The following SUPT3H variants were observed in gnomAD, a reference collection of about 807,000 sequenced individuals.
The protein encoded by SUPT3H is SPT3 homolog, SAGA and STAGA complex component, also known as transcription initiation protein SPT3 homolog.
A neutral mutation model predicts 44.3 loss-of-function variants in SUPT3H; 44 were observed. The observed-to-expected ratio is 0.99, with a 90% CI of 0.78 to 1.28. The LOEUF is 1.28. Ranked by LOEUF, SUPT3H falls within the 50% of genes most tolerant of loss-of-function variation. The pLI, the probability that SUPT3H is intolerant of heterozygous loss-of-function variation, is 0.00. For synonymous variants in SUPT3H, 124 were observed against 125.6 expected, an observed-to-expected ratio of 0.99 and a Z score of 0.09; for missense variants, 380 against 387.1, an observed-to-expected ratio of 0.98 and a Z score of 0.15.
intron 10 of SUPT3H, among the ~76,000 whole-genome samples, chr6:44,867,385 C>T (rs1775676692): frequency 6.6e-6 from 1 of 152,042 alleles, no homozygotes; most frequent in Non-Finnish European, 1.5e-5. Context: ...AAGTGATCCT[C>T]CCGCCTCGGC....
chr6:44,902,049 G>C (rs1257209786), intron 10 of SUPT3H, among the ~76,000 whole-genome samples: 1 of 152,048 alleles, frequency 6.6e-6, no homozygotes, highest in Non-Finnish European at 1.5e-5. Flanking sequence ...GGAAAAACTG[G>C]TACCAGCCAC....
At chr6:44,870,251 A>G (rs1183350883) in intron 10 of SUPT3H, among the ~76,000 whole-genome samples, 1 of 152,194 alleles carries the variant, frequency 6.6e-6, no homozygotes, top group East Asian at 1.9e-4. Context: ...AGAGCACAGC[A>G]AGAGTTAAAA....
intron 3 of SUPT3H, among the ~76,000 whole-genome samples, chr6:45,087,409 C>G (rs1796605815): frequency 6.6e-6 from 1 of 151,688 alleles, no homozygotes; most frequent in Admixed American, 6.6e-5. Flanking sequence ...ATTTTAGTAC[C>G]TAGAATTTTT....
intron 3 of SUPT3H, among the ~76,000 whole-genome samples, chr6:45,090,810 C>T (rs1797034761): frequency 6.6e-6 from 1 of 151,678 alleles, no homozygotes; most frequent in South Asian, 2.1e-4. Flanking sequence ...AATTATTATT[C>T]TTTTAACTAT....
chr6:44,833,016 A>G lies in SUPT3H; in HGVS notation c.913-3159T>C, dbSNP rs13205057. 9.6e-3 allele frequency among the ~76,000 whole-genome samples: 1,463 copies of G among 152,012 alleles called. 13 individuals are homozygous for G. The highest frequency in any genetic ancestry group is 0.016 in the Non-Finnish European group (1,103 of 67,902). On this transcript the variant is annotated intron_variant, in intron 10 of 10. Coordinates refer to ENST00000371459, the MANE Select transcript of SUPT3H (RefSeq NM_003599.4). Reference sequence around the variant, plus strand: ...ATTAATATTTTTCTTAAAAGGACACATGCTACAAAACTTACTTTGTAGTTC... The same window carrying G: ...ATTAATATTTTTCTTAAAAGGACACGTGCTACAAAACTTACTTTGTAGTTC...
At chr6:45,240,233 G>C (rs1183451698) in intron 2 of SUPT3H, among the ~76,000 whole-genome samples, 1 of 152,080 alleles carries the variant, frequency 6.6e-6, no homozygotes, top group Non-Finnish European at 1.5e-5. Flanking sequence ...ATGCTGAGGA[G>C]GACCCCAGCT....
chr6:45,280,775 G>C (rs1204464484), intron 2 of SUPT3H, among the ~76,000 whole-genome samples: 1 of 152,016 alleles, frequency 6.6e-6, no homozygotes, highest in Non-Finnish European at 1.5e-5. Context: ...TAAAATATAT[G>C]GGCAAATTAT....
chr6:45,208,426 T>C (rs1763542252), intron 2 of SUPT3H, among the ~76,000 whole-genome samples: 1 of 152,108 alleles, frequency 6.6e-6, no homozygotes, highest in South Asian at 2.1e-4. Context: ...AAGATGGCTA[T>C]ACAAAAAAAG....
At chr6:44,866,603 T>C (rs1474735280) in intron 10 of SUPT3H, among the ~76,000 whole-genome samples, 1 of 152,206 alleles carries the variant, frequency 6.6e-6, no homozygotes, top group East Asian at 1.9e-4. Context: ...CTTTTAGGCT[T>C]TACTGTGTGT....
At chr6:45,115,024 T>C (rs964051055) in intron 2 of SUPT3H, among the ~76,000 whole-genome samples, 12 of 152,164 alleles carry the variant, frequency 7.9e-5, no homozygotes, top group Admixed American at 3.3e-4. Context: ...CTATCTTAGA[T>C]TGACTGAAAT....
chr6:45,016,219 T>C (rs937089296), intron 4 of SUPT3H, among the ~76,000 whole-genome samples: 1 of 152,082 alleles, frequency 6.6e-6, no homozygotes, highest in African/African-American at 2.4e-5. Context: ...CACTTGATAA[T>C]TGGAATTGTT....
intron 2 of SUPT3H, among the ~76,000 whole-genome samples, chr6:45,185,613 C>T (rs781295295): frequency 6.6e-6 from 1 of 152,246 alleles, no homozygotes; most frequent in Non-Finnish European, 1.5e-5. Flanking sequence ...CTGTAAGACA[C>T]TGCCAACACC....
chr6:44,891,895 A>C (rs1763375313), intron 10 of SUPT3H, among the ~76,000 whole-genome samples: 1 of 152,136 alleles, frequency 6.6e-6, no homozygotes, highest in African/African-American at 2.4e-5. Context: ...GTAGGTATAC[A>C]GGTGTTCACT....
chr6:45,176,457 C>T (rs1811890170), intron 2 of SUPT3H, among the ~76,000 whole-genome samples: 1 of 152,260 alleles, frequency 6.6e-6, no homozygotes, highest in Middle Eastern at 3.4e-3. Context: ...GCTAGCACAG[C>T]AGTCTGAGAT....
intron 3 of SUPT3H, among the ~76,000 whole-genome samples, chr6:45,090,380 A>G (rs1186285136): frequency 6.6e-6 from 1 of 152,114 alleles, no homozygotes; most frequent in Non-Finnish European, 1.5e-5. Context: ...CTTATAAAAA[A>G]CTTTCAGTTC....
intron 2 of SUPT3H, among the ~76,000 whole-genome samples, chr6:45,345,721 T>C (rs1227202825): frequency 6.6e-6 from 1 of 152,210 alleles, no homozygotes; most frequent in Non-Finnish European, 1.5e-5. Context: ...TGATGCATTA[T>C]CAATTCTTCT....
intron 3 of SUPT3H, among the ~76,000 whole-genome samples, chr6:45,075,240 A>T (rs1666551010): frequency 6.6e-6 from 1 of 152,128 alleles, no homozygotes; most frequent in Non-Finnish European, 1.5e-5. Context: ...ATGTGCTTGT[A>T]CATTTTTAAA....
At chr6:45,237,559 T>G (rs1052362069) in intron 2 of SUPT3H, among the ~76,000 whole-genome samples, 29 of 152,152 alleles carry the variant, frequency 1.9e-4, no homozygotes, top group Admixed American at 6.6e-5. Context: ...TTTGCAAGGT[T>G]TGAAGGAACT....
Position 45,020,751 on chromosome 6 carries a change from G to C in SUPT3H, c.187-119C>G, listed in dbSNP as rs1583100396. 6.8e-6 allele frequency: 4 copies of C among 589,392 alleles called. No homozygotes were observed. In the East Asian group the frequency reaches 1.2e-4, roughly 18 times the overall value. The allele number at this position is 589,392 out of a possible 1,614,324, so 36.5% of individuals were successfully genotyped here. ...TTAAAAACCTTTGGGAAATAATCCA[G>C]CAATCACATTACTGCTTTTAAGAGT... On this transcript the variant is annotated intron_variant, in intron 3 of 10. Transcript: ENST00000371459.
Sources: allele counts gnomAD v4.1 joint callset (sites outside exome capture counted in the v4.1 genomes callset), GRCh38; gene constraint gnomAD v4.1.1; transcripts MANE v1.5; gene names NCBI Gene and HGNC (gene_info 2026-07-23, HGNC 2026-07-21).